SGIP1: variants seen among roughly 807,000 people sequenced by gnomAD.
SGIP1 encodes SH3-containing GRB2-like protein 3-interacting protein 1.
SGIP1 carries 38 observed loss-of-function variants against 107.5 expected under a neutral mutation model. The ratio of observed to expected loss-of-function variants is 0.35; its 90% CI spans 0.27 to 0.46. The LOEUF is 0.46. SGIP1 is among the 20% of genes least tolerant of loss of function. The pLI is 1.00. For missense variants in SGIP1, 929 were observed against 1,019.5 expected, an observed-to-expected ratio of 0.91 and a Z score of 1.21; for synonymous variants, 365 against 366.1, an observed-to-expected ratio of 1.00 and a Z score of 0.03.
At chr1:66,540,515 C>G (rs2054669621) in intron 1 of SGIP1, among the ~76,000 whole-genome samples, 1 of 152,136 alleles carries the variant, frequency 6.6e-6, no homozygotes, top group South Asian at 2.1e-4. Context: ...TATGACCAAG[C>G]CTGAAAATGG....
At chr1:66,576,439 C>T (rs1217114918) in intron 1 of SGIP1, among the ~76,000 whole-genome samples, 1 of 152,172 alleles carries the variant, frequency 6.6e-6, no homozygotes. Flanking sequence ...CATTTCAAGT[C>T]ATTTACCTTT....
At chr1:66,694,318 G>T in intron 17 of SGIP1, 1 of 749,390 alleles carries the variant, frequency 1.3e-6, no homozygotes, top group Non-Finnish European at 2.1e-6. Flanking sequence ...TTTCAGTTTT[G>T]TTTCCTTTTT....
chr1:66,723,719 T>TATAA lies in SGIP1; in HGVS notation c.1742+4329_1742+4332dup, dbSNP rs543254260. ...TGCCTGGTATATTGTGTAGGCACCC[T>TATAA]ATAAATAAATAAATAAATGTATGAA... On this transcript the variant is annotated intron_variant, in intron 19 of 24. Transcript: ENST00000371037. Among the ~76,000 whole-genome samples the TATAA allele has an allele frequency of 5.7e-3, 871 of 152,304 alleles. 10 individuals carry two copies. The highest frequency in any genetic ancestry group is 7.5e-3 in the Non-Finnish European group (507 of 68,016).
At chr1:66,641,601 C>G (rs1194050575) in intron 5 of SGIP1, among the ~76,000 whole-genome samples, 1 of 152,142 alleles carries the variant, frequency 6.6e-6, no homozygotes, top group Admixed American at 6.5e-5. Context: ...CGTCTGATTT[C>G]TCTTATTTTC....
intron 15 of SGIP1, among the ~76,000 whole-genome samples, chr1:66,682,831 T>G (rs1189698306): frequency 6.6e-6 from 1 of 151,470 alleles, no homozygotes; most frequent in African/African-American, 2.4e-5. Flanking sequence ...TTTTTTTTTC[T>G]ATTTTTTTCT....
At chr1:66,735,120 C>A (rs577393858) in intron 21 of SGIP1, among the ~76,000 whole-genome samples, 3 of 152,216 alleles carry the variant, frequency 2.0e-5, no homozygotes, top group Admixed American at 2.0e-4. Flanking sequence ...CCACCCCACC[C>A]CACCACCACT....
At chr1:66,703,774 TATA>T (rs947874986) in intron 18 of SGIP1, among the ~76,000 whole-genome samples, 14 of 151,474 alleles carry the variant, frequency 9.2e-5, no homozygotes, top group African/African-American at 3.4e-4. Context: ...ATATATGATA[TATA>T]ATGTTTTTGT....
intron 1 of SGIP1, among the ~76,000 whole-genome samples, chr1:66,575,082 C>T (rs534339308): frequency 7.1e-4 from 108 of 152,214 alleles, no homozygotes; most frequent in Non-Finnish European, 8.8e-4. Flanking sequence ...AGTTGCCACT[C>T]ACAGAGCACG....
chr1:66,582,523 A>T (rs978955161), intron 1 of SGIP1, among the ~76,000 whole-genome samples: 1 of 151,944 alleles, frequency 6.6e-6, no homozygotes, highest in Non-Finnish European at 1.5e-5. Context: ...CAGTGGCTGA[A>T]GATGATTTTT....
chr1:66,651,587 C>T (rs1330230735), intron 7 of SGIP1, among the ~76,000 whole-genome samples: 2 of 152,150 alleles, frequency 1.3e-5, no homozygotes, highest in Non-Finnish European at 2.9e-5. Flanking sequence ...GATGGATGCT[C>T]AAAGGGCCCA....
intron 1 of SGIP1, among the ~76,000 whole-genome samples, chr1:66,568,954 G>C (rs147300338): frequency 8.6e-5 from 13 of 152,020 alleles, no homozygotes; most frequent in African/African-American, 2.9e-4. Flanking sequence ...GACCTGGCCA[G>C]TCAGAATAAT....
chr1:66,643,801 A>G, intron 7 of SGIP1, 82 bp downstream of exon 7: 1 of 1,283,516 alleles, frequency 7.8e-7, no homozygotes, highest in South Asian at 1.9e-5. Context: ...AGTCAATCAG[A>G]AACTCCTTAA....
In SGIP1 at chr1:66,641,961, T is replaced by G. The variant is rs191132803; in HGVS notation, c.229-849T>G. On this transcript the variant is annotated intron_variant, in intron 5 of 24. Coordinates refer to ENST00000371037, the MANE Select transcript of SGIP1 (RefSeq NM_032291.4). The stretch of plus-strand genomic sequence containing the variant: ...TCCTTGATTCATCCCATCCCACCAA[T>G]AACTCTATCCATATCCTTAGCACAT... 1.4e-3 allele frequency among the ~76,000 whole-genome samples: 207 copies of G among 152,286 alleles called. 1 individual carries two copies. The highest frequency in any genetic ancestry group is 4.9e-3 in the African/African-American group (204 of 41,564).
chr1:66,537,109 A>C (rs1415450584), intron 1 of SGIP1, among the ~76,000 whole-genome samples: 1 of 152,194 alleles, frequency 6.6e-6, no homozygotes, highest in Admixed American at 6.5e-5. Flanking sequence ...CAACGAAATA[A>C]TTCCCCAGGG....
intron 1 of SGIP1, among the ~76,000 whole-genome samples, chr1:66,594,012 A>G (rs1007883551): frequency 6.6e-6 from 1 of 152,216 alleles, no homozygotes; most frequent in African/African-American, 2.4e-5. Flanking sequence ...AAATAAGACT[A>G]TTATTCATGG....
intron 1 of SGIP1, among the ~76,000 whole-genome samples, chr1:66,599,019 C>A (rs1340255968): frequency 4.6e-5 from 7 of 152,140 alleles, no homozygotes; most frequent in Non-Finnish European, 1.5e-5. Flanking sequence ...AGGCAGTGTT[C>A]TACCCAGGGC....
chr1:66,570,836 G>A (rs1380966274), intron 1 of SGIP1, among the ~76,000 whole-genome samples: 1 of 151,760 alleles, frequency 6.6e-6, no homozygotes, highest in Non-Finnish European at 1.5e-5. Flanking sequence ...TATTGCTTGG[G>A]TCTGTCATTC....
chr1:66,717,449 G>A (rs1339976574), intron 18 of SGIP1, among the ~76,000 whole-genome samples: 1 of 152,068 alleles, frequency 6.6e-6, no homozygotes, highest in Admixed American at 6.6e-5. Flanking sequence ...TTAGTGAAAG[G>A]CCAATATCAT....
chr1:66,684,226 C>T, intron 15 of SGIP1: 1 of 1,548,590 alleles, frequency 6.5e-7, no homozygotes, highest in East Asian at 2.4e-5. Flanking sequence ...AACCAGTGTG[C>T]TCTCCAGGCA....
Sources: gnomAD v4.1 joint callset for allele counts (sites outside exome capture counted in the v4.1 genomes callset) on GRCh38, gnomAD v4.1.1 for gene constraint, MANE v1.5 for transcripts, NCBI Gene and HGNC (gene_info 2026-07-23, HGNC 2026-07-21) for gene names.